The following ZMAT4 variants were observed in gnomAD, a reference collection of about 807,000 sequenced individuals.
The protein encoded by ZMAT4 is zinc finger matrin-type 4, also known as zinc finger matrin-type protein 4.
ZMAT4 carries 17 observed loss-of-function variants against 28.7 expected under a neutral mutation model. The ratio of observed to expected loss-of-function variants is 0.59; its 90% CI spans 0.41 to 0.89. The LOEUF (loss-of-function observed/expected upper bound fraction) is 0.89. Among genes scored for constraint, ZMAT4 ranks in the 40% least tolerant of loss-of-function variants. The pLI is 0.00. For synonymous variants in ZMAT4, 117 were observed against 109.2 expected, an observed-to-expected ratio of 1.07 and a Z score of -0.44; for missense variants, 240 against 283.8, an observed-to-expected ratio of 0.85 and a Z score of 1.11.
intron 3 of ZMAT4, among the ~76,000 whole-genome samples, chr8:40,742,535 A>G (rs1443278826): frequency 6.6e-6 from 1 of 152,082 alleles, no homozygotes; most frequent in Non-Finnish European, 1.5e-5. Context: ...AAAAAACAAT[A>G]ATTGGGGGCC....
chr8:40,714,620 GC>G (rs1446664039), intron 3 of ZMAT4, among the ~76,000 whole-genome samples: 2 of 152,158 alleles, frequency 1.3e-5, no homozygotes, highest in Non-Finnish European at 2.9e-5. Flanking sequence ...ATCCATTGAT[GC>G]CTTTTGTCAT....
intron 1 of ZMAT4, among the ~76,000 whole-genome samples, chr8:40,838,557 G>T (rs1344341587): frequency 6.6e-6 from 1 of 152,024 alleles, no homozygotes. Context: ...CCCAGGCTGG[G>T]GGTGATACCC....
chr8:40,685,473 G>A (rs1809361105), intron 4 of ZMAT4, among the ~76,000 whole-genome samples: 1 of 152,132 alleles, frequency 6.6e-6, no homozygotes, highest in African/African-American at 2.4e-5. Context: ...CTTAGAGCCT[G>A]AATTATTCTG....
intron 5 of ZMAT4, among the ~76,000 whole-genome samples, chr8:40,667,140 T>C (rs996824445): frequency 6.6e-6 from 1 of 151,902 alleles, no homozygotes; most frequent in Non-Finnish European, 1.5e-5. Flanking sequence ...TAATTTCTTT[T>C]TTTTTTATTT....
At chr8:40,658,485 G>C (rs1422815780) in intron 5 of ZMAT4, among the ~76,000 whole-genome samples, 2 of 152,034 alleles carry the variant, frequency 1.3e-5, no homozygotes, top group African/African-American at 2.4e-5. Flanking sequence ...GATGGGGCAT[G>C]GGGGGTTGGG....
chr8:40,815,212 T>C (rs1563502987), intron 2 of ZMAT4, among the ~76,000 whole-genome samples: 1 of 151,258 alleles, frequency 6.6e-6, no homozygotes, highest in Non-Finnish European at 1.5e-5. Context: ...GAGGTGGAGG[T>C]TGCAGTGAGC....
intron 5 of ZMAT4, among the ~76,000 whole-genome samples, chr8:40,647,296 G>A (rs893087363): frequency 2.0e-5 from 3 of 152,196 alleles, no homozygotes; most frequent in African/African-American, 7.2e-5. Context: ...CCCTTTCCGA[G>A]TCAAAGAAAG....
chr8:40,666,059 G>A (rs1808401794), intron 5 of ZMAT4, among the ~76,000 whole-genome samples: 1 of 152,200 alleles, frequency 6.6e-6, no homozygotes, highest in South Asian at 2.1e-4. Context: ...AAGAATAAAT[G>A]ATAAAGGTCT....
Position 40,801,365 on chromosome 8 carries a change from T to C in ZMAT4, c.102+24210A>G, listed in dbSNP as rs182178790. ...TTAAAAAAAAAAATATATATATATATATATATACATATATATATTCGGTGG... is the reference window on the plus strand; with the variant it reads ...TTAAAAAAAAAAATATATATATATACATATATACATATATATATTCGGTGG... On this transcript the variant is annotated intron_variant, in intron 2 of 6. Transcript: ENST00000297737. 1.5e-4 allele frequency among the ~76,000 whole-genome samples: 21 copies of C among 144,348 alleles called. No homozygotes were observed. The East Asian group carries it at 2.5e-3, about 18-fold the overall frequency. The allele number at this position is 144,348 out of a possible 152,430, so 94.7% of individuals were successfully genotyped here.
Position 40,570,727 on chromosome 8 carries a change from A to AAAAC in ZMAT4, c.674+10434_674+10437dup, listed in dbSNP as rs56953458. Among the ~76,000 whole-genome samples the AAAAC allele has an allele frequency of 3.4e-3, 516 of 150,976 alleles. 1 individual carries two copies. Among genetic ancestry groups the AAAAC allele is most frequent in the South Asian group, 0.017 (82 of 4,726 alleles). ...AAACAACAAAGAACAACAACGACAG[A>AAAAC]AAACAAACAAACAAACAAACAAAAA... is the stretch of plus-strand genomic sequence containing the variant. On this transcript the variant is annotated intron_variant, in intron 6 of 6. Coordinates refer to ENST00000297737, the MANE Select transcript of ZMAT4 (RefSeq NM_024645.3).
rs1816925413 is a variant in ZMAT4 at position 40,846,992 on chromosome 8, A to T, written c.-4-21312T>A. Among the ~76,000 whole-genome samples the T allele has an allele frequency of 2.6e-5, 4 of 152,138 alleles. 1 individual carries two copies. The highest frequency in any genetic ancestry group is 5.9e-5 in the Non-Finnish European group (4 of 68,026). ...GAGGCCAAGGCGGGCAGATCATTTG[A>T]GGTCAGGAGTTCGAGACCAGCCTAG... On this transcript the variant is annotated intron_variant, in intron 1 of 6. Transcript: ENST00000297737.
At chr8:40,786,424 T>C (rs1814084806) in intron 2 of ZMAT4, among the ~76,000 whole-genome samples, 1 of 149,882 alleles carries the variant, frequency 6.7e-6, no homozygotes, top group Admixed American at 6.7e-5. Flanking sequence ...TTATAGAAGG[T>C]AAATAGTACA....
chr8:40,854,383 T>C (rs1016692013), intron 1 of ZMAT4, among the ~76,000 whole-genome samples: 1 of 152,170 alleles, frequency 6.6e-6, no homozygotes, highest in African/African-American at 2.4e-5. Context: ...TCAAAGGAAA[T>C]GAAGACCAAA....
At chr8:40,721,911 C>G (rs997312258) in intron 3 of ZMAT4, among the ~76,000 whole-genome samples, 5 of 151,978 alleles carry the variant, frequency 3.3e-5, no homozygotes, top group African/African-American at 1.2e-4. Flanking sequence ...CTGAGAAAAA[C>G]AAGCAATGGG....
chr8:40,564,334 G>A (rs901358269), intron 6 of ZMAT4, among the ~76,000 whole-genome samples: 2 of 152,044 alleles, frequency 1.3e-5, no homozygotes, highest in Non-Finnish European at 2.9e-5. Flanking sequence ...CTACAGGATT[G>A]CCCAACCCTG....
chr8:40,873,373 T>C (rs569996113), intron 1 of ZMAT4, among the ~76,000 whole-genome samples: 1 of 152,216 alleles, frequency 6.6e-6, no homozygotes, highest in Non-Finnish European at 1.5e-5. Context: ...GCTGTTGCCA[T>C]GACCTTTCCT....
intron 6 of ZMAT4, among the ~76,000 whole-genome samples, chr8:40,567,329 T>C (rs965906181): frequency 1.3e-5 from 2 of 152,194 alleles, no homozygotes; most frequent in Non-Finnish European, 2.9e-5. Flanking sequence ...AGGTAATACA[T>C]ATTACTATTG....
At chr8:40,691,595 C>A (rs1381133328) in intron 4 of ZMAT4, among the ~76,000 whole-genome samples, 2 of 152,124 alleles carry the variant, frequency 1.3e-5, no homozygotes, top group Non-Finnish European at 2.9e-5. Context: ...AAATAAATCA[C>A]AGTGGATTCA....
chr8:40,808,223 A>C (rs1269333234), intron 2 of ZMAT4, among the ~76,000 whole-genome samples: 1 of 151,562 alleles, frequency 6.6e-6, no homozygotes, highest in Admixed American at 6.6e-5. Context: ...AAAAGGATAC[A>C]CTATAATACT....
Sources: allele counts gnomAD v4.1 joint callset (sites outside exome capture counted in the v4.1 genomes callset), GRCh38; gene constraint gnomAD v4.1.1; transcripts MANE v1.5; gene names NCBI Gene and HGNC (gene_info 2026-07-23, HGNC 2026-07-21).